Variants in ANO4 observed in about 807,000 individuals in gnomAD.
The protein encoded by ANO4 is anoctamin-4.
A neutral mutation model predicts 141.9 loss-of-function variants in ANO4; 69 were observed. The ratio of observed to expected loss-of-function variants is 0.49; its 90% confidence interval spans 0.40 to 0.59. The LOEUF is 0.59. Ranked by LOEUF, ANO4 falls within the 20% of genes least tolerant of loss-of-function variation. The pLI is 0.00. For synonymous variants in ANO4, 350 were observed against 394.3 expected, an observed-to-expected ratio of 0.89 and a Z score of 1.33; for missense variants, 894 against 1,162.2, an observed-to-expected ratio of 0.77 and a Z score of 3.36.
intron 1 of ANO4, among the ~76,000 whole-genome samples, chr12:100,724,435 C>T (rs1292194529): frequency 6.6e-6 from 1 of 152,180 alleles, no homozygotes; most frequent in Non-Finnish European, 1.5e-5. Context: ...AGGTCTGATG[C>T]AGGTTGCAGA....
chr12:100,762,355 C>T (rs1254877557), intron 3 of ANO4, among the ~76,000 whole-genome samples: 1 of 152,138 alleles, frequency 6.6e-6, no homozygotes, highest in Non-Finnish European at 1.5e-5. Context: ...ATCCAGGCCC[C>T]AGAACTAGCC....
intron 14 of ANO4, among the ~76,000 whole-genome samples, chr12:101,060,307 G>T (rs1296907179): frequency 6.6e-6 from 1 of 152,174 alleles, no homozygotes; most frequent in African/African-American, 2.4e-5. Flanking sequence ...CAATTATGTG[G>T]TCAATTTTAG....
chr12:101,122,150 C>T (rs1441756462), intron 26 of ANO4, among the ~76,000 whole-genome samples: 1 of 152,146 alleles, frequency 6.6e-6, no homozygotes, highest in East Asian at 1.9e-4. Flanking sequence ...AGATTCTGAG[C>T]ATTTTTTCAT....
chr12:101,051,328 ACT>A (rs371498758), intron 14 of ANO4, among the ~76,000 whole-genome samples: 32 of 152,134 alleles, frequency 2.1e-4, no homozygotes, highest in African/African-American at 7.0e-4. Flanking sequence ...ACTTTGTAAG[ACT>A]CTGATGGATG....
At chr12:101,077,912 T>C (rs1439639164) in intron 14 of ANO4, among the ~76,000 whole-genome samples, 5 of 152,138 alleles carry the variant, frequency 3.3e-5, no homozygotes, top group African/African-American at 1.2e-4. Flanking sequence ...ATCCGGAAAT[T>C]AAGGCTTAGA....
At chr12:100,862,359 T>A (rs4764626) in intron 1 of ANO4, among the ~76,000 whole-genome samples, 27,704 of 152,206 alleles carry the variant, frequency 0.18, 2,981 homozygotes, top group Middle Eastern at 0.3. Flanking sequence ...TTTTGCTTTG[T>A]TGCCCAGGCT....
At chr12:101,038,442 T>C (rs1261295936) in intron 10 of ANO4, 2 of 152,206 alleles carry the variant, frequency 1.3e-5, no homozygotes, top group Non-Finnish European at 2.9e-5. Context: ...TCTGAGGAGA[T>C]GCAGCTACAA....
intron 1 of ANO4, among the ~76,000 whole-genome samples, chr12:100,849,199 G>T (rs932047937): frequency 6.6e-6 from 1 of 152,150 alleles, no homozygotes; most frequent in Non-Finnish European, 1.5e-5. Flanking sequence ...CAATAGACAT[G>T]TATTTTACTA....
At chr12:100,801,624 T>C (rs2034696349) in intron 1 of ANO4, among the ~76,000 whole-genome samples, 1 of 151,730 alleles carries the variant, frequency 6.6e-6, no homozygotes, top group Non-Finnish European at 1.5e-5. Flanking sequence ...TGTAGTCAGC[T>C]GTATACTTGC....
At chr12:100,938,171 C>G (rs2042362332) in intron 3 of ANO4, among the ~76,000 whole-genome samples, 2 of 152,208 alleles carry the variant, frequency 1.3e-5, no homozygotes, top group Non-Finnish European at 2.9e-5. Flanking sequence ...TTGGATATAG[C>G]TTTATACCTG....
chr12:101,112,292 A>G (rs547586721), intron 24 of ANO4, among the ~76,000 whole-genome samples: 1 of 152,296 alleles, frequency 6.6e-6, no homozygotes, highest in African/African-American at 2.4e-5. Context: ...TGAGTGGACT[A>G]AACTCCTTGG....
At chr12:100,908,828 AAG>A (rs2040965846) in intron 2 of ANO4, among the ~76,000 whole-genome samples, 1 of 152,204 alleles carries the variant, frequency 6.6e-6, no homozygotes, top group Non-Finnish European at 1.5e-5. Context: ...TAAGAACAAA[AAG>A]AGAATTTGGG....
chr12:100,903,349 T>C (rs2040684125), intron 2 of ANO4, among the ~76,000 whole-genome samples: 1 of 152,222 alleles, frequency 6.6e-6, no homozygotes, highest in African/African-American at 2.4e-5. Flanking sequence ...CCAGCATCTC[T>C]TTCCTCCTCT....
intron 14 of ANO4, among the ~76,000 whole-genome samples, chr12:101,066,042 G>A (rs1305674391): frequency 6.6e-6 from 1 of 152,092 alleles, no homozygotes; most frequent in Admixed American, 6.6e-5. Context: ...GACAAAGAAA[G>A]AATTTGATAA....
rs149065323 is a variant in ANO4, at chr12:100,879,895, A to G, written c.-140-21751A>G. Among the ~76,000 whole-genome samples, 366 of 152,302 alleles carry G rather than the reference A, an allele frequency of 2.4e-3. 2 individuals carry two copies. The highest frequency in any genetic ancestry group is 0.018 in the East Asian group (94 of 5,188). On this transcript the variant is annotated intron_variant, in intron 1 of 27. Transcript: ENST00000392977. ...ATAGAAGTATGTAAAATTTCACTGA[A>G]GTTCACAGGGAGGAGAACCTCATCT...
At chr12:100,749,284 C>T (rs969961426) in intron 3 of ANO4, among the ~76,000 whole-genome samples, 1 of 152,122 alleles carries the variant, frequency 6.6e-6, no homozygotes, top group African/African-American at 2.4e-5. Flanking sequence ...TGTTAATGGA[C>T]ATTTGTGAGC....
intron 3 of ANO4, among the ~76,000 whole-genome samples, chr12:100,773,145 C>T (rs1269215062): frequency 1.3e-5 from 2 of 152,220 alleles, no homozygotes; most frequent in Admixed American, 6.5e-5. Context: ...ATGCCTGCTT[C>T]CTCATTCACA....
At chr12:101,083,587 A>T in intron 15 of ANO4, 91 bp from the exon 16 acceptor site, 1 of 1,458,036 alleles carries the variant, frequency 6.9e-7, no homozygotes, top group Non-Finnish European at 9.2e-7. Context: ...GCAGCTGTTG[A>T]CTCTGTTTTA....
chr12:100,753,235 T>C (rs977710260), intron 3 of ANO4, among the ~76,000 whole-genome samples: 7 of 152,194 alleles, frequency 4.6e-5, no homozygotes, highest in Non-Finnish European at 7.3e-5. Flanking sequence ...GAATGTCTTA[T>C]TCTCAGTGGA....
Sources: allele counts gnomAD v4.1 joint callset (sites outside exome capture counted in the v4.1 genomes callset), GRCh38; gene constraint gnomAD v4.1.1; transcripts MANE v1.5; gene names NCBI Gene and HGNC (gene_info 2026-07-23, HGNC 2026-07-21).